The following PPARGC1A variants were observed in gnomAD, a reference collection of about 807,000 sequenced individuals.
PPARGC1A encodes the protein peroxisome proliferator-activated receptor gamma coactivator 1-alpha.
PPARGC1A carries 25 observed loss-of-function variants against 88.7 expected under a neutral mutation model. The ratio of observed to expected loss-of-function variants is 0.28; its 90% CI spans 0.21 to 0.39. PPARGC1A has a LOEUF of 0.39. Among genes scored for constraint, PPARGC1A ranks in the 10% least tolerant of loss-of-function variants. PPARGC1A has a pLI of 1.00. For synonymous variants in PPARGC1A, 363 were observed against 355.6 expected (o/e 1.02, Z -0.24); for missense variants, 880 against 968.7 (o/e 0.91, Z 1.22).
the PPARGC1A span, among the ~76,000 whole-genome samples, chr4:23,964,930 T>C: frequency 6.6e-6 from 1 of 152,164 alleles, no homozygotes; most frequent in Non-Finnish European, 1.5e-5. Context: ...CTTGCCTCTT[T>C]AGGATACCAC....
the PPARGC1A span, among the ~76,000 whole-genome samples, chr4:24,118,108 C>A: frequency 6.6e-6 from 1 of 152,152 alleles, no homozygotes; most frequent in African/African-American, 2.4e-5. Flanking sequence ...GAATTTACAA[C>A]AAAGCCCTGC....
At chr4:24,296,127 C>T in the PPARGC1A span, among the ~76,000 whole-genome samples, 2 of 149,700 alleles carry the variant, frequency 1.3e-5, no homozygotes, top group Non-Finnish European at 1.5e-5. Flanking sequence ...CATATATACA[C>T]ATGTATATAG....
chr4:24,216,822 G>C, the PPARGC1A span, among the ~76,000 whole-genome samples: 4 of 152,168 alleles, frequency 2.6e-5, no homozygotes, highest in Non-Finnish European at 4.4e-5. Context: ...GATTCTCCCT[G>C]AGAAGAGAGT....
chr4:23,898,967 C>G (rs770510702), intron 1 of PPARGC1A, among the ~76,000 whole-genome samples: 13 of 151,774 alleles, frequency 8.6e-5, no homozygotes, highest in Non-Finnish European at 1.6e-4. Context: ...TCCTGAGTAG[C>G]TGGGATTACA....
chr4:24,098,945 T>A, the PPARGC1A span, among the ~76,000 whole-genome samples: 108 of 152,284 alleles, frequency 7.1e-4, no homozygotes, highest in East Asian at 0.02. Flanking sequence ...GGTGAAGACA[T>A]TCAATACATC....
At chr4:24,301,190 C>T in the PPARGC1A span, among the ~76,000 whole-genome samples, 1 of 152,076 alleles carries the variant, frequency 6.6e-6, no homozygotes, top group Admixed American at 6.5e-5. Context: ...CAGATTTTAC[C>T]TTAACACTAG....
At chr4:23,945,581 T>C in the PPARGC1A span, among the ~76,000 whole-genome samples, 1 of 152,112 alleles carries the variant, frequency 6.6e-6, no homozygotes, top group African/African-American at 2.4e-5. Context: ...GGCTCTGAGA[T>C]GACAGCTGGG....
At chr4:23,983,123 C>T in the PPARGC1A span, among the ~76,000 whole-genome samples, 1 of 152,090 alleles carries the variant, frequency 6.6e-6, no homozygotes, top group African/African-American at 2.4e-5. Context: ...TAAAATCAAA[C>T]AAACCTTTCT....
chr4:23,891,726 C>T (rs1717867696), upstream of PPARGC1A, among the ~76,000 whole-genome samples: 1 of 152,136 alleles, frequency 6.6e-6, no homozygotes, highest in Non-Finnish European at 1.5e-5. Flanking sequence ...ATACAGTTCA[C>T]CAGCACATTT....
chr4:24,436,940 C>CACAGAGCTAATATCTATTG, the PPARGC1A span, among the ~76,000 whole-genome samples: 1 of 152,202 alleles, frequency 6.6e-6, no homozygotes, highest in African/African-American at 2.4e-5. Flanking sequence ...GAGCCCAGGT[C>CACAGAGCTAATATCTATTG]GCACCCAGGA....
the PPARGC1A span, among the ~76,000 whole-genome samples, chr4:24,050,691 C>A: frequency 1.3e-5 from 2 of 152,146 alleles, no homozygotes; most frequent in Non-Finnish European, 2.9e-5. Flanking sequence ...CTTTCCAATT[C>A]TGTTGCTTCA....
chr4:24,222,292 C>G, the PPARGC1A span, among the ~76,000 whole-genome samples: 1 of 152,190 alleles, frequency 6.6e-6, no homozygotes, highest in East Asian at 1.9e-4. Context: ...GAGACAGTAC[C>G]TTGAGGTAGT....
At chr4:24,277,311 A>G in the PPARGC1A span, among the ~76,000 whole-genome samples, 7 of 152,224 alleles carry the variant, frequency 4.6e-5, no homozygotes, top group East Asian at 1.9e-4. Flanking sequence ...AGACTTTGAT[A>G]TAAGAGTCAT....
Position 23,890,022 on chromosome 4 carries a change from C to T in PPARGC1A, c.-65G>A. ...AATCCACAGTGACACAGAGCACACA[C>T]TCATGCAGGCAACCAGCCCCTTACT... On this transcript the variant is annotated 5_prime_UTR_variant, in exon 1 of 13. It adds an upstream start codon to the 5' untranslated region. Transcript: ENST00000264867. 1.2e-6 allele frequency: 2 copies of T among 1,605,862 alleles called. No homozygotes were observed. The highest frequency in any genetic ancestry group is 1.7e-6 in the Non-Finnish European group (2 of 1,176,102).
chr4:24,185,808 C>T, the PPARGC1A span, among the ~76,000 whole-genome samples: 1 of 123,658 alleles, frequency 8.1e-6, no homozygotes, highest in African/African-American at 3.0e-5. Context: ...CCACCACAGT[C>T]CCCAGAGTGT....
chr4:23,826,092 A>C (rs58848612), intron 5 of PPARGC1A, among the ~76,000 whole-genome samples: 4 of 152,018 alleles, frequency 2.6e-5, no homozygotes, highest in Admixed American at 6.6e-5. Context: ...TCAAAGGAAG[A>C]CTCTCGAATT....
At chr4:23,984,045 G>A in the PPARGC1A span, among the ~76,000 whole-genome samples, 3 of 151,894 alleles carry the variant, frequency 2.0e-5, no homozygotes, top group East Asian at 3.9e-4. Flanking sequence ...TACAATTTAT[G>A]TATGTGTATT....
chr4:24,414,318 G>T, the PPARGC1A span, among the ~76,000 whole-genome samples: 4 of 152,170 alleles, frequency 2.6e-5, no homozygotes, highest in African/African-American at 9.7e-5. Context: ...GAAATGGAAA[G>T]GAATAGTGGG....
chr4:24,472,672 C>G, the PPARGC1A span, among the ~76,000 whole-genome samples: 15 of 151,822 alleles, frequency 9.9e-5, no homozygotes, highest in African/African-American at 3.6e-4. The surrounding 1 kb of genome is among the most constrained non-coding windows in gnomAD (Gnocchi z 4.5). Flanking sequence ...CTGCCGCCGC[C>G]GCCGCCGCCG....
Sources: gnomAD v4.1 joint callset for allele counts (sites outside exome capture counted in the v4.1 genomes callset) on GRCh38, gnomAD v4.1.1 for gene constraint, Gnocchi (gnomAD v3.1) non-coding constraint, MANE v1.5 for transcripts, NCBI Gene and HGNC (gene_info 2026-07-23, HGNC 2026-07-21) for gene names.